BCAS3: variants seen among roughly 807,000 people sequenced by gnomAD.
BCAS3 encodes the protein BCAS4/BCAS3 fusion.
In BCAS3, 53 loss-of-function variants were observed where a neutral mutation model predicts 116.1. The observed-to-expected ratio is 0.46, with a 90% CI of 0.37 to 0.57. BCAS3 has a LOEUF of 0.57. Ranked by LOEUF, BCAS3 falls within the 20% of genes least tolerant of loss-of-function variation. The pLI is 0.00. For synonymous variants in BCAS3, 391 were observed against 408.2 expected, an observed-to-expected ratio of 0.96 and a Z score of 0.51; for missense variants, 917 against 1,165.4, an observed-to-expected ratio of 0.79 and a Z score of 3.10.
chr17:61,372,141 C>T (rs2059081459), intron 23 of BCAS3, among the ~76,000 whole-genome samples: 1 of 152,152 alleles, frequency 6.6e-6, no homozygotes, highest in South Asian at 2.1e-4. Context: ...CAATTGGTGC[C>T]TCTACAGATC....
chr17:60,721,719 C>T (rs2039256879), intron 5 of BCAS3, among the ~76,000 whole-genome samples: 1 of 152,002 alleles, frequency 6.6e-6, no homozygotes, highest in Non-Finnish European at 1.5e-5. Flanking sequence ...AATATACATA[C>T]AGTAAAATGC....
intron 7 of BCAS3, among the ~76,000 whole-genome samples, chr17:60,835,839 C>G (rs1204885125): frequency 6.6e-6 from 1 of 151,984 alleles, no homozygotes; most frequent in Non-Finnish European, 1.5e-5. Flanking sequence ...AGATATTAGC[C>G]TTATTAGAAA....
intron 5 of BCAS3, among the ~76,000 whole-genome samples, chr17:60,723,145 T>TA (rs2039431382): frequency 6.6e-6 from 1 of 152,222 alleles, no homozygotes; most frequent in Admixed American, 6.5e-5. Flanking sequence ...ATTCACCAAT[T>TA]ACGGATTTTG....
rs528557722 is a variant in BCAS3, at chr17:61,138,058, G to A, written c.2425+53494G>A. On this transcript the variant is annotated intron_variant, in intron 22 of 23. Transcript: ENST00000407086. ...ATCTTTCAGATAGAACCTAGGACCT[G>A]TGAGGCTGGTAATCTTTGGAATAGC... Among the ~76,000 whole-genome samples, 7 of 152,308 alleles carry A rather than the reference G, an allele frequency of 4.6e-5. No homozygotes were observed. The East Asian group carries it at 1.4e-3, about 29-fold the overall frequency.
rs2047732589 is a variant in BCAS3 at position 61,243,993 on chromosome 17, G to T, written c.2426-124334G>T. Among the ~76,000 whole-genome samples, 1 of 151,838 alleles carries T rather than the reference G, an allele frequency of 6.6e-6. No individual in the cohort carries two copies. Among genetic ancestry groups the T allele is most frequent in the Admixed American group, 6.6e-5 (1 of 15,244 alleles). ...TTTTCAAGAGACAGAGTCTTGCTATGTTGCCCCAGCTGGTCCTGAACTCCT... is the reference window on the plus strand; with the variant it reads ...TTTTCAAGAGACAGAGTCTTGCTATTTTGCCCCAGCTGGTCCTGAACTCCT... On this transcript the variant is annotated intron_variant, in intron 22 of 23. Coordinates refer to ENST00000407086, the MANE Select transcript of BCAS3 (RefSeq NM_017679.5). The surrounding 1 kb of genome is among the most constrained non-coding windows in gnomAD (Gnocchi z 5.6).
At chr17:61,240,841 A>G (rs577356591) in intron 22 of BCAS3, among the ~76,000 whole-genome samples, 8 of 152,370 alleles carry the variant, frequency 5.3e-5, no homozygotes, top group Admixed American at 4.6e-4. Context: ...ACACAGAAGT[A>G]TATCTTAACT....
chr17:60,744,984 CTT>C (rs2041909024), intron 5 of BCAS3, among the ~76,000 whole-genome samples: 1 of 151,890 alleles, frequency 6.6e-6, no homozygotes. Flanking sequence ...TGATAGCAAA[CTT>C]TTATATTGTG....
chr17:60,944,612 A>G (rs1335094313), intron 13 of BCAS3, among the ~76,000 whole-genome samples: 1 of 152,132 alleles, frequency 6.6e-6, no homozygotes, highest in African/African-American at 2.4e-5. Context: ...AGGGACACAG[A>G]TAAGAAAATA....
In BCAS3 at chr17:61,012,150, T is replaced by C. The variant is rs2065154894; in HGVS notation, c.1487-3601T>C. On this transcript the variant is annotated intron_variant, in intron 15 of 23. Coordinates refer to ENST00000407086, the MANE Select transcript of BCAS3 (RefSeq NM_017679.5). The surrounding 1 kb of genome is among the most constrained non-coding windows in gnomAD (Gnocchi z 4.5). ...TATTTATTAGCATGGTTTTCTCCCA[T>C]TTTTCATTTTTTGTTAATATGTCTT... Among the ~76,000 whole-genome samples, 1 of 152,074 alleles carries C rather than the reference T, an allele frequency of 6.6e-6. No homozygotes were observed. The highest frequency in any genetic ancestry group is 1.5e-5 in the Non-Finnish European group (1 of 67,960).
At chr17:61,127,053 A>G (rs2076082656) in intron 22 of BCAS3, among the ~76,000 whole-genome samples, 1 of 151,868 alleles carries the variant, frequency 6.6e-6, no homozygotes, top group Admixed American at 6.6e-5. Flanking sequence ...AAAAAGAGAG[A>G]AAAAAAAGGA....
intron 22 of BCAS3, among the ~76,000 whole-genome samples, chr17:61,342,750 T>G (rs2057253808): frequency 6.8e-6 from 1 of 147,782 alleles, no homozygotes. Context: ...GATTTTCTTT[T>G]CTTTTTTTTT....
At position 61,140,605 on chromosome 17, in the gene BCAS3, A is replaced by G. The variant is rs2076869131; in HGVS notation, c.2425+56041A>G. On this transcript the variant is annotated intron_variant, in intron 22 of 23. Transcript: ENST00000407086. The surrounding 1 kb of genome is among the most constrained non-coding windows in gnomAD (Gnocchi z 4.2). ...TCCACTTTTTTTTTTTTTCTGGAGAAACAGCACTCTGGCATTTGGCCATCT... is the reference window on the plus strand; with the variant it reads ...TCCACTTTTTTTTTTTTTCTGGAGAGACAGCACTCTGGCATTTGGCCATCT... Among the ~76,000 whole-genome samples, 3 of 152,152 alleles carry G rather than the reference A, an allele frequency of 2.0e-5. No homozygotes were observed. In the South Asian group the frequency reaches 6.2e-4, roughly 32 times the overall value.
At chr17:60,998,465 A>G (rs929640354) in intron 15 of BCAS3, among the ~76,000 whole-genome samples, 16 of 152,304 alleles carry the variant, frequency 1.1e-4, no homozygotes, top group African/African-American at 3.6e-4. Context: ...ATTTCCACCA[A>G]CAGTGCATAA....
rs144979269 is a variant in BCAS3, at chr17:61,038,804, G to C, written c.1928+750G>C. Among the ~76,000 whole-genome samples, 113 of 151,674 alleles carry C rather than the reference G, an allele frequency of 7.5e-4. 2 individuals carry two copies. In the East Asian group the frequency reaches 0.021, roughly 29 times the overall value. On this transcript the variant is annotated intron_variant, in intron 18 of 23. Transcript: ENST00000407086. ...CTGCCTCAGCCTCCTGAGTAGCTGG[G>C]ACCACAGGCGCCTGCCATCCCATCT...
rs1257950587 is a variant in BCAS3 at position 61,278,552 on chromosome 17, C to G, written c.2426-89775C>G. 1.3e-5 allele frequency among the ~76,000 whole-genome samples: 2 copies of G among 152,162 alleles called. No individual in the cohort carries two copies. Among genetic ancestry groups the G allele is most frequent in the Non-Finnish European group, 2.9e-5 (2 of 68,032 alleles). On this transcript the variant is annotated intron_variant, in intron 22 of 23. Coordinates refer to ENST00000407086, the MANE Select transcript of BCAS3 (RefSeq NM_017679.5). This position sits in a 1 kb window ranked among gnomAD's most constrained non-coding sequence, Gnocchi z 5.8. The stretch of plus-strand genomic sequence containing the variant: ...ACAGATGCTTCTGCGTTCCTTGTGG[C>G]ATTATTCACTATAGCCCAAAGATGC...
At chr17:61,137,495 G>A (rs557599035) in intron 22 of BCAS3, among the ~76,000 whole-genome samples, 2 of 152,222 alleles carry the variant, frequency 1.3e-5, no homozygotes, top group Admixed American at 6.5e-5. Flanking sequence ...GGGGCCAGGC[G>A]TGGTGGCACA....
chr17:60,796,843 A>G (rs534216806), intron 6 of BCAS3, among the ~76,000 whole-genome samples: 1 of 152,206 alleles, frequency 6.6e-6, no homozygotes, highest in Non-Finnish European at 1.5e-5. Context: ...TGATGTAGGC[A>G]TTTAGGGCTG....
At chr17:60,727,387 C>A in intron 5 of BCAS3, 1 of 1,595,432 alleles carries the variant, frequency 6.3e-7, no homozygotes, top group South Asian at 1.1e-5. Context: ...CCTGGGCATA[C>A]AAGGAATCCT....
chr17:61,161,553 C>T lies in BCAS3; in HGVS notation c.2425+76989C>T, dbSNP rs1002840095. On this transcript the variant is annotated intron_variant, in intron 22 of 23. Coordinates refer to ENST00000407086, the MANE Select transcript of BCAS3 (RefSeq NM_017679.5). This position sits in a 1 kb window ranked among gnomAD's most constrained non-coding sequence, Gnocchi z 4.8. ...ATTGATCATGTGATTCTATCAGTAT[C>T]TTTTTTTTCTTTTATTTTGCCTCAG... is the stretch of plus-strand genomic sequence containing the variant. Among the ~76,000 whole-genome samples the T allele has an allele frequency of 6.6e-6, 1 of 152,048 alleles. No homozygotes were observed. Among genetic ancestry groups the T allele is most frequent in the African/African-American group, 2.4e-5 (1 of 41,404 alleles).
Sources: gnomAD v4.1 joint callset for allele counts (sites outside exome capture counted in the v4.1 genomes callset) on GRCh38, gnomAD v4.1.1 for gene constraint, Gnocchi (gnomAD v3.1) non-coding constraint, MANE v1.5 for transcripts, NCBI Gene and HGNC (gene_info 2026-07-23, HGNC 2026-07-21) for gene names.